The following RHBDL2 variants were observed in gnomAD, a reference collection of about 807,000 sequenced individuals.
The protein encoded by RHBDL2 is rhomboid-related protein 2.
Under a neutral mutation model 31.7 loss-of-function variants are expected in RHBDL2, and 26 were observed. The observed-to-expected ratio is 0.82, with a 90% CI of 0.60 to 1.14. The LOEUF (loss-of-function observed/expected upper bound fraction) is 1.14. Ranked by LOEUF, RHBDL2 falls within the 50% of genes most tolerant of loss-of-function variation. The pLI is 0.00. For synonymous variants in RHBDL2, 123 were observed against 127.2 expected, an observed-to-expected ratio of 0.97 and a Z score of 0.22; for missense variants, 336 against 364.4, an observed-to-expected ratio of 0.92 and a Z score of 0.63.
intron 2 of RHBDL2, among the ~76,000 whole-genome samples, chr1:38,917,131 C>T (rs9726587): frequency 0.15 from 23,076 of 149,862 alleles, 2,234 homozygotes; most frequent in Non-Finnish European, 0.22. Flanking sequence ...TACTCTCCTG[C>T]CTCAGCCTCC....
At chr1:38,921,296 G>A (rs552832178) in intron 1 of RHBDL2, among the ~76,000 whole-genome samples, 8 of 152,288 alleles carry the variant, frequency 5.3e-5, no homozygotes, top group Non-Finnish European at 8.8e-5. Flanking sequence ...CAGGAGAATC[G>A]CTTGAACCTG....
intron 5 of RHBDL2, among the ~76,000 whole-genome samples, chr1:38,893,558 T>G (rs1642879522): frequency 6.6e-6 from 1 of 152,186 alleles, no homozygotes; most frequent in Non-Finnish European, 1.5e-5. Context: ...TGATGAAATA[T>G]TCATAAGATT....
chr1:38,917,350 T>G (rs1474962405), intron 2 of RHBDL2, among the ~76,000 whole-genome samples: 1 of 152,136 alleles, frequency 6.6e-6, no homozygotes, highest in African/African-American at 2.4e-5. Context: ...TTACAATATC[T>G]CTATAGAGGT....
At chr1:38,935,732 C>T (rs2124356632) in intron 1 of RHBDL2, among the ~76,000 whole-genome samples, 1 of 152,202 alleles carries the variant, frequency 6.6e-6, no homozygotes, top group Admixed American at 6.5e-5. Flanking sequence ...TCCACCTTAG[C>T]CTCCCAAGTA....
In RHBDL2 at chr1:38,911,561, AT is replaced by A. The variant is rs750976919; in HGVS notation, c.396-128del. On this transcript the variant is annotated intron_variant, in intron 3 of 7. Transcript: ENST00000372990. ...TGCTTAACTAGAATTCCATTTTCTA[AT>A]TTTTCTTCGCAGACAACTCTTTTTT... 14 of 574,570 alleles carry A rather than the reference AT, an allele frequency of 2.4e-5. No homozygotes were observed. In the South Asian group the frequency reaches 3.8e-4, roughly 16 times the overall value. The allele number at this position is 574,570 out of a possible 1,614,324, so 35.6% of individuals were successfully genotyped here.
At chr1:38,914,010 G>A (rs570070914) in intron 3 of RHBDL2, among the ~76,000 whole-genome samples, 85 of 151,858 alleles carry the variant, frequency 5.6e-4, no homozygotes, top group African/African-American at 1.9e-3. Flanking sequence ...CCAGCTACTC[G>A]GGAAGCTGAG....
At chr1:38,932,560 A>C (rs892046197) in intron 1 of RHBDL2, among the ~76,000 whole-genome samples, 1 of 152,150 alleles carries the variant, frequency 6.6e-6, no homozygotes, top group African/African-American at 2.4e-5. Context: ...CCCCAGTTCA[A>C]GGGACTCTTG....
chr1:38,926,094 A>C lies in RHBDL2; in HGVS notation c.-125-6757T>G. 3 of 1,204,374 alleles carry C rather than the reference A, an allele frequency of 2.5e-6. No homozygotes were observed. The South Asian group carries it at 4.4e-5, about 18-fold the overall frequency. 74.6% of individuals were successfully genotyped at this position (1,204,374 alleles called of 1,614,324 possible). A position where few individuals can be genotyped will look rare whatever the true frequency, so the allele number is the denominator to read the frequency against. ...CAGCAGGAAACGGATCCCACTACAG[A>C]CATTAACCATGCCCAATATTCACTT... On this transcript the variant is annotated intron_variant, in intron 1 of 7. Coordinates refer to ENST00000372990, the MANE Select transcript of RHBDL2 (RefSeq NM_017821.5).
intron 4 of RHBDL2, among the ~76,000 whole-genome samples, chr1:38,907,938 G>A (rs951261405): frequency 1.8e-4 from 28 of 151,938 alleles, no homozygotes; most frequent in African/African-American, 6.0e-4. Context: ...CTTGGTAAGA[G>A]GATAAAAAGA....
intron 6 of RHBDL2, 54 bp from the exon 7 acceptor site, chr1:38,888,078 A>G (rs1167437169): frequency 3.2e-6 from 4 of 1,231,062 alleles, no homozygotes; most frequent in African/African-American, 1.5e-5. Context: ...TAGTACACCA[A>G]ATGTTTTTGG....
chr1:38,913,439 C>G (rs1643183934), intron 3 of RHBDL2: 1 of 152,074 alleles, frequency 6.6e-6, no homozygotes, highest in Non-Finnish European at 1.5e-5. Context: ...TTTGTCAAGC[C>G]TCTGAGCCAT....
chr1:38,917,438 A>G (rs374379976), intron 2 of RHBDL2, among the ~76,000 whole-genome samples: 1 of 152,196 alleles, frequency 6.6e-6, no homozygotes, highest in Admixed American at 6.5e-5. Context: ...CATCTGCTCC[A>G]TGAGCCTCCT....
At chr1:38,937,947 G>A (rs752212415) in intron 1 of RHBDL2, among the ~76,000 whole-genome samples, 13 of 152,096 alleles carry the variant, frequency 8.5e-5, no homozygotes, top group South Asian at 2.1e-4. Context: ...AAACCTTGGC[G>A]TCTTCATATC....
Position 38,919,118 on chromosome 1 carries a change from T to C in RHBDL2, c.95A>G (p.Glu32Gly), listed in dbSNP as rs778089643. ...EELEEEEKMR[E>G]DGGGKDRAKS... Reference sequence around the variant, plus strand: ...GGCCCGATCTTTACCTCCCCCATCCTCTCTCATTTTCTCCTCTTCCTCCAG... The same window carrying C: ...GGCCCGATCTTTACCTCCCCCATCCCCTCTCATTTTCTCCTCTTCCTCCAG... Residue 32 changes from glutamate to glycine, a missense_variant, in exon 2 of 8, where the codon GAG (glutamate) becomes GGG (glycine). Physicochemically the swap from Glu to Gly is moderately conservative, Grantham distance 98 (BLOSUM62 -2). Coordinates refer to ENST00000372990, the MANE Select transcript of RHBDL2 (RefSeq NM_017821.5). 2.5e-6 allele frequency: 4 copies of C among 1,614,114 alleles called. No individual in the cohort carries two copies. The highest frequency in any genetic ancestry group is 2.5e-6 in the Non-Finnish European group (3 of 1,180,018).
At chr1:38,903,738 G>C (rs1350809781) in intron 4 of RHBDL2, among the ~76,000 whole-genome samples, 1 of 152,016 alleles carries the variant, frequency 6.6e-6, no homozygotes, top group Admixed American at 6.6e-5. Context: ...GAAATACAAA[G>C]GATTTAGAAT....
chr1:38,936,822 C>T (rs751503098), intron 1 of RHBDL2, among the ~76,000 whole-genome samples: 7 of 149,912 alleles, frequency 4.7e-5, no homozygotes, highest in African/African-American at 1.7e-4. Context: ...TTAGTAGAGA[C>T]GAGGTTTCAC....
chr1:38,899,446 A>G (rs969528470), intron 4 of RHBDL2, among the ~76,000 whole-genome samples: 1 of 152,130 alleles, frequency 6.6e-6, no homozygotes, highest in Admixed American at 6.5e-5. Flanking sequence ...CAGTTTCTCA[A>G]TGCTGGTGTT....
At chr1:38,904,671 A>T (rs1179734012) in intron 4 of RHBDL2, among the ~76,000 whole-genome samples, 1 of 148,892 alleles carries the variant, frequency 6.7e-6, no homozygotes, top group Non-Finnish European at 1.5e-5. Context: ...CTACAGAAAT[A>T]AAAAAATACA....
intron 3 of RHBDL2, among the ~76,000 whole-genome samples, chr1:38,913,191 C>G (rs889715023): frequency 2.6e-5 from 4 of 151,888 alleles, no homozygotes; most frequent in Non-Finnish European, 4.4e-5. Flanking sequence ...CCATGTTGGC[C>G]AGGCTGGTCT....
Sources: gnomAD v4.1 joint callset for allele counts (sites outside exome capture counted in the v4.1 genomes callset) on GRCh38, gnomAD v4.1.1 for gene constraint, MANE v1.5 for transcripts, NCBI Gene and HGNC (gene_info 2026-07-23, HGNC 2026-07-21) for gene names.